ZNF254: variants seen among roughly 807,000 people sequenced by gnomAD.
The protein encoded by ZNF254 is CTD-2017D11.1.
In ZNF254, 10 loss-of-function variants were observed where a neutral mutation model predicts 12.4. The observed-to-expected ratio is 0.80, with a 90% CI of 0.50 to 1.36. The LOEUF (loss-of-function observed/expected upper bound fraction) is 1.36. ZNF254 is among the 40% of genes most tolerant of loss of function. The pLI is 0.00. For synonymous variants in ZNF254, 305 were observed against 253.4 expected (o/e 1.20, Z -1.93); for missense variants, 996 against 763.9 (o/e 1.30, Z -3.58).
upstream of ZNF254, among the ~76,000 whole-genome samples, chr19:24,086,584 T>A (rs1424824488): frequency 6.6e-6 from 1 of 152,168 alleles, no homozygotes; most frequent in Non-Finnish European, 1.5e-5. Context: ...TTCAAGCAGT[T>A]CTCCTGCCTC....
chr19:24,052,173 A>G (rs1286963320), intron 2 of ZNF254, among the ~76,000 whole-genome samples: 4 of 152,184 alleles, frequency 2.6e-5, no homozygotes, highest in African/African-American at 4.8e-5. Context: ...TGCTGGACTC[A>G]CCACCTATGT....
intron 2 of ZNF254, chr19:24,049,278 C>T (rs1158333014): frequency 2.1e-5 from 3 of 144,660 alleles, no homozygotes; most frequent in Non-Finnish European, 4.5e-5. Context: ...CCATGTGGCC[C>T]CCAGGATAGT....
intron 1 of ZNF254, among the ~76,000 whole-genome samples, chr19:24,040,176 C>T (rs1970105213): frequency 6.6e-6 from 1 of 152,112 alleles, no homozygotes; most frequent in Non-Finnish European, 1.5e-5. Context: ...CCTGAAATCT[C>T]CCCTCACAGA....
At chr19:24,109,007 T>G (rs1198760903) in intron 3 of ZNF254, among the ~76,000 whole-genome samples, 2 of 152,144 alleles carry the variant, frequency 1.3e-5, no homozygotes, top group East Asian at 3.9e-4. Context: ...TACAAAAAAT[T>G]AGCCGGGCAT....
chr19:24,033,705 TC>T, intron 1 of ZNF254: 1 of 281,300 alleles, frequency 3.6e-6, no homozygotes, highest in Admixed American at 4.6e-5. Flanking sequence ...CTCCCGGGTT[TC>T]CGACCTGAGG....
intron 2 of ZNF254, among the ~76,000 whole-genome samples, chr19:24,076,103 A>G (rs1268573153): frequency 1.3e-5 from 2 of 152,200 alleles, no homozygotes; most frequent in African/African-American, 4.8e-5. Flanking sequence ...AGATAATGCA[A>G]TCATCACAGG....
chr19:24,113,370 G>T (rs903202607), intron 3 of ZNF254, among the ~76,000 whole-genome samples: 2 of 152,118 alleles, frequency 1.3e-5, no homozygotes, highest in Non-Finnish European at 2.9e-5. Context: ...TGCAGGGCTG[G>T]TTCAATATAT....
At chr19:24,094,304 C>T (rs1972552780) in intron 1 of ZNF254, among the ~76,000 whole-genome samples, 1 of 152,156 alleles carries the variant, frequency 6.6e-6, no homozygotes, top group African/African-American at 2.4e-5. Flanking sequence ...TGCTCTTCGC[C>T]CAGGCTGGAG....
intron 2 of ZNF254, among the ~76,000 whole-genome samples, chr19:24,070,092 A>G (rs2145484506): frequency 6.6e-6 from 1 of 152,310 alleles, no homozygotes; most frequent in Middle Eastern, 3.4e-3. Flanking sequence ...AAAGCTACAA[A>G]TGATGACTCA....
At position 24,127,525 on chromosome 19, in the gene ZNF254, A is replaced by G. The variant is rs150045752; in HGVS notation, c.1525A>G (p.Lys509Glu). The G allele has an allele frequency of 6.0e-4, 964 of 1,613,612 alleles. 5 individuals carry two copies. In the African/African-American group the frequency reaches 0.012, roughly 20 times the overall value. The stretch of plus-strand genomic sequence containing the variant: ...CCAATCCTCAACCCTTACTACACAT[A>G]AGATAATTCATACTGGAGAGAAACC... Reference protein sequence around the residue: ...FSQSSTLTTHKIIHTGEKPYK... With the variant: ...FSQSSTLTTHEIIHTGEKPYK... Residue 509 changes from lysine (K) to glutamate (E), a missense_variant, in exon 4 of 4, where the codon AAG (lysine) becomes GAG (glutamate). Coordinates refer to ENST00000357002, the MANE Select transcript of ZNF254 (RefSeq NM_203282.4).
rs374796804 is a variant in ZNF254 at position 24,127,221 on chromosome 19, A to G, written c.1221A>G (p.Lys407=). 6 of 1,613,096 alleles carry G rather than the reference A, an allele frequency of 3.7e-6. No individual in the cohort carries two copies. The highest frequency in any genetic ancestry group is 5.1e-6 in the Non-Finnish European group (6 of 1,179,582). The change falls in exon 4 of 4, where the codon AAA becomes AAG. Residue 407 remains lysine, a synonymous_variant. Coordinates refer to ENST00000357002, the MANE Select transcript of ZNF254 (RefSeq NM_203282.4). ...KIIHVGEKLY[K]CEECGKGFNR... ...TTCATGTTGGAGAGAAACTCTACAA[A>G]TGTGAAGAATGCGGCAAAGGTTTTA...
intron 1 of ZNF254, among the ~76,000 whole-genome samples, chr19:24,041,409 C>G (rs1970151177): frequency 6.6e-6 from 1 of 152,238 alleles, no homozygotes; most frequent in South Asian, 2.1e-4. Flanking sequence ...ACACTCGGAG[C>G]AGCCAGCCAG....
chr19:24,056,923 TAA>T (rs765271080), intron 2 of ZNF254, among the ~76,000 whole-genome samples: 7 of 152,142 alleles, frequency 4.6e-5, no homozygotes, highest in African/African-American at 1.2e-4. Flanking sequence ...CCAGATGATA[TAA>T]GTCTCCTGCT....
intron 3 of ZNF254, among the ~76,000 whole-genome samples, chr19:24,109,534 G>T (rs1973537100): frequency 6.6e-6 from 1 of 152,082 alleles, no homozygotes; most frequent in South Asian, 2.1e-4. Flanking sequence ...CGGCAATTCT[G>T]TTTGTATACT....
intron 1 of ZNF254, among the ~76,000 whole-genome samples, chr19:24,036,096 CTG>C (rs1383429959): frequency 6.6e-6 from 1 of 152,102 alleles, no homozygotes; most frequent in Non-Finnish European, 1.5e-5. Flanking sequence ...GAGGCTCACT[CTG>C]TCGCCCAGGC....
intron 2 of ZNF254, among the ~76,000 whole-genome samples, chr19:24,068,116 C>T (rs60489956): frequency 0.01 from 1,562 of 152,292 alleles, 30 homozygotes; most frequent in Admixed American, 0.042. Context: ...ATTTTGGCAT[C>T]CATCACCTAA....
At chr19:24,113,514 A>G (rs566514943) in intron 3 of ZNF254, among the ~76,000 whole-genome samples, 1 of 152,330 alleles carries the variant, frequency 6.6e-6, no homozygotes, top group African/African-American at 2.4e-5. Context: ...TCAATAAATT[A>G]GGTATTGATG....
chr19:24,060,573 G>A (rs1170722133), intron 2 of ZNF254, among the ~76,000 whole-genome samples: 1 of 152,074 alleles, frequency 6.6e-6, no homozygotes, highest in Non-Finnish European at 1.5e-5. Flanking sequence ...ACCTATCTCT[G>A]GGCCCAGCAC....
intron 1 of ZNF254, among the ~76,000 whole-genome samples, chr19:24,103,452 T>C (rs1818583479): frequency 6.6e-6 from 1 of 152,224 alleles, no homozygotes; most frequent in Non-Finnish European, 1.5e-5. Flanking sequence ...GGTAAGTGGT[T>C]ATAAGATCAG....
Sources: gnomAD v4.1 joint callset for allele counts (sites outside exome capture counted in the v4.1 genomes callset) on GRCh38, gnomAD v4.1.1 for gene constraint, MANE v1.5 for transcripts, NCBI Gene and HGNC (gene_info 2026-07-23, HGNC 2026-07-21) for gene names.